Variants in ARPP21 observed in about 807,000 individuals in gnomAD.
ARPP21 encodes the protein cAMP-regulated phosphoprotein 21.
ARPP21 carries 69 observed loss-of-function variants against 113.2 expected under a neutral mutation model. The observed-to-expected ratio is 0.61, with a 90% confidence interval of 0.50 to 0.74. The LOEUF is 0.74. Ranked by LOEUF, ARPP21 falls within the 30% of genes least tolerant of loss-of-function variation. The probability of loss-of-function intolerance (pLI) is 0.00; values close to 1 mark genes in which losing one functional copy is unlikely to be tolerated. For missense variants in ARPP21, 1,070 were observed against 1,037.4 expected (o/e 1.03, Z -0.43); for synonymous variants, 368 against 375.5 (o/e 0.98, Z 0.23).
In ARPP21 at chr3:35,753,079, T is replaced by C. The variant is rs553453151; in HGVS notation, c.2137+9114T>C. ...GTGTGTGTGTGTGTGTGTGTGTAAG[T>C]GAGAGAGAGAGAAAGAGAGAATATT... On this transcript the variant is annotated intron_variant, in intron 19 of 20. Transcript: ENST00000684406. Among the ~76,000 whole-genome samples, 6 of 147,676 alleles carry C rather than the reference T, an allele frequency of 4.1e-5. No individual in the cohort carries two copies. In the South Asian group the frequency reaches 1.3e-3, roughly 32 times the overall value.
intron 18 of ARPP21, among the ~76,000 whole-genome samples, chr3:35,743,564 TCTTCTTTAGGATCAGA>T (rs11275533): frequency 0.23 from 35,154 of 152,112 alleles, 4,277 homozygotes; most frequent in South Asian, 0.31. Flanking sequence ...AAGCTGCAAG[TCTTCTTTAGGATCAGA>T]CTTGAAAGAC....
chr3:35,781,953 G>C (rs17030126), intron 19 of ARPP21, among the ~76,000 whole-genome samples: 18,468 of 152,116 alleles, frequency 0.12, 1,253 homozygotes, highest in Non-Finnish European at 0.15. Context: ...AGATAACCTA[G>C]AACTAATCAA....
At chr3:35,670,617 A>G (rs1044126372) in intron 1 of ARPP21, among the ~76,000 whole-genome samples, 1 of 152,088 alleles carries the variant, frequency 6.6e-6, no homozygotes, top group African/African-American at 2.4e-5. Context: ...TCCGATCAGC[A>G]TTGCCACAGA....
In ARPP21 at chr3:35,750,270, G is replaced by A. The variant is rs147087959; in HGVS notation, c.2137+6305G>A. On this transcript the variant is annotated intron_variant, in intron 19 of 20. Transcript: ENST00000684406. Reference sequence around the variant, plus strand: ...ACAGATTTTGATATGCTGTATTTTCGTTTTCATTCATTTGTATATATTTTT... The same window carrying A: ...ACAGATTTTGATATGCTGTATTTTCATTTTCATTCATTTGTATATATTTTT... 2.2e-3 allele frequency among the ~76,000 whole-genome samples: 328 copies of A among 150,800 alleles called. 4 individuals are homozygous for A. The highest frequency in any genetic ancestry group is 0.011 in the East Asian group (56 of 5,120).
chr3:35,775,210 C>T (rs2096323128), intron 19 of ARPP21, among the ~76,000 whole-genome samples: 1 of 152,110 alleles, frequency 6.6e-6, no homozygotes, highest in Non-Finnish European at 1.5e-5. Context: ...AGATGCCAAG[C>T]TGTTTTAAAT....
rs186326525 is a variant in ARPP21 at position 35,681,901 on chromosome 3, C to G, written c.129+21C>G. On this transcript the variant is annotated intron_variant, in intron 3 of 20. Coordinates refer to ENST00000684406, the MANE Select transcript of ARPP21 (RefSeq NM_001385562.1). Reference sequence around the variant, plus strand: ...TGCAGGTGAGTGAGCATGAAGAGACCCTGACTCTCATACAACTGTGTGCAG... The same window carrying G: ...TGCAGGTGAGTGAGCATGAAGAGACGCTGACTCTCATACAACTGTGTGCAG... The G allele has an allele frequency of 6.2e-6, 10 of 1,610,030 alleles. No homozygotes were observed. In the African/African-American group the frequency reaches 8.0e-5, roughly 13 times the overall value.
intron 9 of ARPP21, 88 bp downstream of exon 9, chr3:35,691,093 G>A (rs538572898): frequency 7.3e-7 from 1 of 1,378,212 alleles, no homozygotes; most frequent in African/African-American, 1.5e-5. Flanking sequence ...CACAGTACAT[G>A]ACATTTAAAA....
At chr3:35,661,546 A>G (rs1472757199) in intron 1 of ARPP21, among the ~76,000 whole-genome samples, 2 of 152,198 alleles carry the variant, frequency 1.3e-5, no homozygotes, top group East Asian at 1.9e-4. Context: ...CATTCTCTGC[A>G]TGGAGTATAG....
At chr3:35,685,189 G>A in intron 5 of ARPP21, 1 of 985,330 alleles carries the variant, frequency 1.0e-6, no homozygotes, top group South Asian at 4.7e-5. Context: ...GTACCAGGAG[G>A]AAATTTTTTA....
chr3:35,689,688 G>A (rs1389184566), intron 7 of ARPP21, among the ~76,000 whole-genome samples: 6 of 151,538 alleles, frequency 4.0e-5, no homozygotes, highest in Non-Finnish European at 8.9e-5. Context: ...TGTCAAATAA[G>A]CCAATTATGT....
intron 9 of ARPP21, among the ~76,000 whole-genome samples, chr3:35,697,700 C>G (rs1469222856): frequency 6.6e-6 from 1 of 151,642 alleles, no homozygotes; most frequent in African/African-American, 2.4e-5. Context: ...ATCTACTGTG[C>G]TTAGTTTTCT....
At chr3:35,711,707 C>T (rs1327386920) in intron 11 of ARPP21, among the ~76,000 whole-genome samples, 1 of 152,154 alleles carries the variant, frequency 6.6e-6, no homozygotes, top group Non-Finnish European at 1.5e-5. Context: ...AACTCTCTTA[C>T]ATGATTATTG....
intron 19 of ARPP21, among the ~76,000 whole-genome samples, chr3:35,749,625 T>C (rs943254922): frequency 1.3e-5 from 2 of 152,036 alleles, no homozygotes; most frequent in African/African-American, 4.8e-5. Context: ...CTTCTTTAAA[T>C]GTTTGTTAGA....
At chr3:35,758,289 C>A (rs1041679364) in intron 19 of ARPP21, among the ~76,000 whole-genome samples, 2 of 151,790 alleles carry the variant, frequency 1.3e-5, no homozygotes, top group African/African-American at 4.8e-5. Flanking sequence ...ACTTGGGGGG[C>A]GGGGGAACTA....
intron 19 of ARPP21, among the ~76,000 whole-genome samples, chr3:35,779,089 A>T (rs897992890): frequency 4.6e-5 from 7 of 152,182 alleles, no homozygotes; most frequent in Non-Finnish European, 1.0e-4. Context: ...TCCAAAACTT[A>T]TATTTTCTTT....
intron 15 of ARPP21, 116 bp downstream of exon 15, chr3:35,729,652 G>A: frequency 1.2e-6 from 1 of 869,086 alleles, no homozygotes; most frequent in Non-Finnish European, 1.8e-6. Context: ...AAAGCTAGTT[G>A]CATGAACTGT....
At chr3:35,777,240 G>A (rs572620729) in intron 19 of ARPP21, among the ~76,000 whole-genome samples, 2 of 152,230 alleles carry the variant, frequency 1.3e-5, no homozygotes, top group Admixed American at 1.3e-4. Context: ...ACCATTTAGT[G>A]GAAACTAATG....
intron 1 of ARPP21, among the ~76,000 whole-genome samples, chr3:35,646,339 A>T (rs146288028): frequency 6.6e-6 from 1 of 152,214 alleles, no homozygotes; most frequent in East Asian, 1.9e-4. Context: ...CTGCATTTAC[A>T]TGTTTTTCTT....
chr3:35,759,996 G>A (rs367720199), intron 19 of ARPP21, among the ~76,000 whole-genome samples: 1 of 151,892 alleles, frequency 6.6e-6, no homozygotes, highest in African/African-American at 2.4e-5. Flanking sequence ...TTCCCATGTC[G>A]AGCCACTCGG....
Sources: gnomAD v4.1 joint callset for allele counts (sites outside exome capture counted in the v4.1 genomes callset) on GRCh38, gnomAD v4.1.1 for gene constraint, MANE v1.5 for transcripts, NCBI Gene and HGNC (gene_info 2026-07-23, HGNC 2026-07-21) for gene names.